Variants in RGL1 observed in about 807,000 individuals in gnomAD.
The protein encoded by RGL1 is ral guanine nucleotide dissociation stimulator-like 1.
Under a neutral mutation model 95.2 loss-of-function variants are expected in RGL1, and 24 were observed. The ratio of observed to expected loss-of-function variants is 0.25; its 90% CI spans 0.18 to 0.35. The LOEUF (loss-of-function observed/expected upper bound fraction) is 0.35. Among genes scored for constraint, RGL1 ranks in the 10% least tolerant of loss-of-function variants. RGL1 has a pLI of 1.00. For missense variants in RGL1, 715 were observed against 936.3 expected, an observed-to-expected ratio of 0.76 and a Z score of 3.08; for synonymous variants, 329 against 344.9, an observed-to-expected ratio of 0.95 and a Z score of 0.51.
chr1:183,822,795 G>C (rs112362263), intron 2 of RGL1, among the ~76,000 whole-genome samples: 18 of 152,268 alleles, frequency 1.2e-4, no homozygotes, highest in African/African-American at 4.3e-4. Context: ...TATCATAGTA[G>C]ATTTGAGGGC....
intron 2 of RGL1, among the ~76,000 whole-genome samples, chr1:183,813,374 A>T (rs889856449): frequency 1.2e-4 from 18 of 152,242 alleles, no homozygotes; most frequent in African/African-American, 4.3e-4. Flanking sequence ...GCTTGGCAGA[A>T]AAACCAGATC....
chr1:183,810,565 G>A (rs2102426167), intron 2 of RGL1, among the ~76,000 whole-genome samples: 1 of 152,322 alleles, frequency 6.6e-6, no homozygotes, highest in East Asian at 1.9e-4. Flanking sequence ...TTGAATATAT[G>A]TAGAAATAAA....
intron 9 of RGL1, among the ~76,000 whole-genome samples, chr1:183,896,430 A>T (rs1667706259): frequency 6.6e-6 from 1 of 152,184 alleles, no homozygotes; most frequent in African/African-American, 2.4e-5. Context: ...ATCATTTGTG[A>T]TGGGAAGAAC....
At chr1:183,853,475 GA>G (rs1352521929) in intron 3 of RGL1, among the ~76,000 whole-genome samples, 1 of 152,172 alleles carries the variant, frequency 6.6e-6, no homozygotes, top group Non-Finnish European at 1.5e-5. Flanking sequence ...AATTTCAAAT[GA>G]ATTCTCCCAG....
chr1:183,688,577 C>A (rs777310061), intron 1 of RGL1, among the ~76,000 whole-genome samples: 7 of 152,036 alleles, frequency 4.6e-5, no homozygotes, highest in Non-Finnish European at 8.8e-5. Flanking sequence ...TTATTCTTGA[C>A]ATTTTTTCAA....
intron 1 of RGL1, among the ~76,000 whole-genome samples, chr1:183,670,868 G>T (rs1256398350): frequency 6.6e-6 from 1 of 152,158 alleles, no homozygotes; most frequent in Non-Finnish European, 1.5e-5. Flanking sequence ...TCTGTTGGTG[G>T]ACATTTGAAT....
chr1:183,805,192 A>T lies in RGL1; in HGVS notation c.-106A>T. On this transcript the variant is annotated 5_prime_UTR_variant, in exon 1 of 18. Coordinates refer to ENST00000360851, the MANE Select transcript of RGL1 (RefSeq NM_001297671.3). Reference sequence around the variant, plus strand: ...TGTCTGTGCGCTGCGGTCGCTCGGGACCGGGACCGGGGCGAGGCGCCGCGG... The same window carrying T: ...TGTCTGTGCGCTGCGGTCGCTCGGGTCCGGGACCGGGGCGAGGCGCCGCGG... 1 of 1,491,312 alleles carries T rather than the reference A, an allele frequency of 6.7e-7. No homozygotes were observed. The highest frequency in any genetic ancestry group is 9.0e-7 in the Non-Finnish European group (1 of 1,108,520). 92.4% of individuals were successfully genotyped at this position (1,491,312 alleles called of 1,614,324 possible).
chr1:183,639,856 T>G (rs1430975288), intron 1 of RGL1, among the ~76,000 whole-genome samples: 1 of 152,032 alleles, frequency 6.6e-6, no homozygotes. Context: ...TTTTCTTTTT[T>G]TTTTTGAGAC....
chr1:183,699,503 C>T (rs928974310), intron 1 of RGL1, among the ~76,000 whole-genome samples: 1 of 152,076 alleles, frequency 6.6e-6, no homozygotes, highest in South Asian at 2.1e-4. Context: ...GTGAAAGATT[C>T]CTTGATTTTC....
chr1:183,888,912 A>G (rs1362873886), intron 8 of RGL1, among the ~76,000 whole-genome samples: 2 of 152,148 alleles, frequency 1.3e-5, no homozygotes, highest in African/African-American at 4.8e-5. Flanking sequence ...TTTCAGCCTC[A>G]CTACAAAGCC....
At chr1:183,882,486 G>T (rs1012724814) in intron 5 of RGL1, among the ~76,000 whole-genome samples, 1 of 152,224 alleles carries the variant, frequency 6.6e-6, no homozygotes, top group African/African-American at 2.4e-5. Context: ...TGCCAGAGTT[G>T]TATGGAGGAA....
chr1:183,753,775 A>G, intron 2 of RGL1, among the ~76,000 whole-genome samples: 1 of 152,330 alleles, frequency 6.6e-6, no homozygotes, highest in East Asian at 1.9e-4. Context: ...CAAGACATGT[A>G]GGAACAAGAG....
intron 9 of RGL1, among the ~76,000 whole-genome samples, chr1:183,896,786 A>G (rs1015716197): frequency 3.3e-5 from 5 of 152,232 alleles, no homozygotes; most frequent in African/African-American, 1.2e-4. Context: ...CTCATTATAT[A>G]GAAGAGTTTG....
intron 14 of RGL1, among the ~76,000 whole-genome samples, chr1:183,909,712 G>T (rs369352096): frequency 6.6e-6 from 1 of 152,040 alleles, no homozygotes; most frequent in East Asian, 1.9e-4. Flanking sequence ...AAAAAATCAA[G>T]TTCACCTTCA....
At chr1:183,723,921 A>T (rs1656164865) in intron 1 of RGL1, among the ~76,000 whole-genome samples, 1 of 152,032 alleles carries the variant, frequency 6.6e-6, no homozygotes, top group Non-Finnish European at 1.5e-5. Context: ...TGAAGAAAGG[A>T]GAGGGAAGAG....
intron 1 of RGL1, among the ~76,000 whole-genome samples, chr1:183,707,150 C>G (rs1654971101): frequency 6.6e-6 from 1 of 152,094 alleles, no homozygotes; most frequent in South Asian, 2.1e-4. Flanking sequence ...AGTGGGGGGC[C>G]TGGTTGGGGA....
intron 2 of RGL1, among the ~76,000 whole-genome samples, chr1:183,747,998 G>T (rs1657751271): frequency 6.6e-6 from 1 of 152,094 alleles, no homozygotes; most frequent in Non-Finnish European, 1.5e-5. Context: ...ATTAATTACT[G>T]CCTCAATTTC....
intron 2 of RGL1, among the ~76,000 whole-genome samples, chr1:183,798,240 T>C (rs190883130): frequency 3.3e-5 from 5 of 152,288 alleles, no homozygotes; most frequent in Non-Finnish European, 4.4e-5. Context: ...TGACTGGGCA[T>C]AGGACATTAT....
In RGL1 at chr1:183,689,414, T is replaced by TAAATTCATCCCAA. The variant is rs1653810445; in HGVS notation, c.-32-52712_-32-52711insAAATTCATCCCAA. ...TTTGCTGTTTCTCTCCTGGATGTGTTTCCCATCCTGGGTCATTTGCTTAAA... is the reference window on the plus strand; with the variant it reads ...TTTGCTGTTTCTCTCCTGGATGTGTTAAATTCATCCCAATCCCATCCTGGGTCATTTGCTTAAA... On this transcript the variant is annotated intron_variant, in intron 1 of 18. Coordinates refer to the RGL1 transcript ENST00000304685. Among the ~76,000 whole-genome samples, 3 of 152,220 alleles carry TAAATTCATCCCAA rather than the reference T, an allele frequency of 2.0e-5. No individual in the cohort carries two copies. The South Asian group carries it at 6.2e-4, about 32-fold the overall frequency.
Sources: gnomAD v4.1 joint callset for allele counts (sites outside exome capture counted in the v4.1 genomes callset) on GRCh38, gnomAD v4.1.1 for gene constraint, MANE v1.5 for transcripts, NCBI Gene and HGNC (gene_info 2026-07-23, HGNC 2026-07-21) for gene names.